JAKMIP3: variants seen among roughly 807,000 people sequenced by gnomAD.
JAKMIP3 encodes the protein janus kinase and microtubule-interacting protein 3.
In JAKMIP3, 58 loss-of-function variants were observed where a neutral mutation model predicts 118.5. The ratio of observed to expected loss-of-function variants is 0.49; its 90% CI spans 0.40 to 0.61. The LOEUF is 0.61. Ranked by LOEUF, JAKMIP3 falls within the 20% of genes least tolerant of loss-of-function variation. JAKMIP3 has a pLI of 0.00. For missense variants in JAKMIP3, 950 were observed against 1,109.0 expected (o/e 0.86, Z 2.04); for synonymous variants, 486 against 451.2 (o/e 1.08, Z -0.98).
At chr10:132,180,596 T>A (rs1439006060) in intron 23 of JAKMIP3, among the ~76,000 whole-genome samples, 1 of 24,352 alleles carries the variant, frequency 4.1e-5, no homozygotes, top group African/African-American at 1.7e-4. Flanking sequence ...CGTGTGTGTG[T>A]GCGTGCGCGT....
intron 1 of JAKMIP3, among the ~76,000 whole-genome samples, chr10:132,087,048 T>C (rs746545037): frequency 6.6e-5 from 10 of 152,234 alleles, no homozygotes; most frequent in Non-Finnish European, 1.3e-4. Flanking sequence ...GTTCTTGTAG[T>C]GCTGGCTTGG....
At chr10:132,061,378 A>G (rs544699103), upstream of JAKMIP3, among the ~76,000 whole-genome samples, 8 of 152,256 alleles carry the variant, frequency 5.3e-5, no homozygotes, top group Non-Finnish European at 1.2e-4. Flanking sequence ...AATTTCGTTG[A>G]AGACATAAAA....
chr10:132,161,468 G>A (rs548843160), intron 19 of JAKMIP3, among the ~76,000 whole-genome samples: 2 of 81,202 alleles, frequency 2.5e-5, no homozygotes, highest in Non-Finnish European at 4.8e-5. Context: ...TGATGCAGGC[G>A]GTGGCCTCTT....
chr10:132,078,947 ACAGGCCGTCAGGCGCAGCGCAGGGCTGG>A (rs1316253815), intron 1 of JAKMIP3, among the ~76,000 whole-genome samples: 1 of 152,170 alleles, frequency 6.6e-6, no homozygotes, highest in African/African-American at 2.4e-5. Flanking sequence ...GTCTGACTGC[ACAGGCCGTCAGGCGCAGCGCAGGGCTGG>A]TGGGTGGCCC....
intron 1 of JAKMIP3, among the ~76,000 whole-genome samples, chr10:132,082,845 G>T (rs1301386238): frequency 3.3e-5 from 5 of 152,190 alleles, no homozygotes; most frequent in African/African-American, 1.2e-4. Flanking sequence ...TCTTGACCTC[G>T]TGATCCGCCC....
chr10:132,172,022 C>T (rs1025827323), intron 23 of JAKMIP3, among the ~76,000 whole-genome samples: 3 of 152,308 alleles, frequency 2.0e-5, no homozygotes, highest in Admixed American at 6.5e-5. Context: ...GTTCTGGTTT[C>T]TCCAGGTTTC....
At position 132,175,581 on chromosome 10, in the gene JAKMIP3, C is replaced by CT. The variant is rs547049110; in HGVS notation, c.*1103+6549dup. Among the ~76,000 whole-genome samples, 348 of 152,304 alleles carry CT rather than the reference C, an allele frequency of 2.3e-3. 3 individuals carry two copies. Among genetic ancestry groups the CT allele is most frequent in the African/African-American group, 7.5e-3 (310 of 41,558 alleles). On this transcript the variant is annotated intron_variant, in intron 23 of 23. Coordinates refer to ENST00000684848, the MANE Select transcript of JAKMIP3 (RefSeq NM_001323087.2). ...GCCTGGGCCTGTGGCCACTCAGGGTCTGGAAGCTCGAGGTGTGTTGATTAA... is the reference window on the plus strand; with the variant it reads ...GCCTGGGCCTGTGGCCACTCAGGGTCTTGGAAGCTCGAGGTGTGTTGATTAA...
chr10:132,103,150 A>C (rs1257407855), intron 1 of JAKMIP3, among the ~76,000 whole-genome samples: 1 of 152,008 alleles, frequency 6.6e-6, no homozygotes, highest in Non-Finnish European at 1.5e-5. Flanking sequence ...ACAGGAGCAG[A>C]AGGTAAACAA....
At chr10:132,054,695 T>C (rs574086605) in intron 1 of JAKMIP3, among the ~76,000 whole-genome samples, 1 of 152,162 alleles carries the variant, frequency 6.6e-6, no homozygotes, top group Non-Finnish European at 1.5e-5. Flanking sequence ...GGCTAACAGA[T>C]AAGACTAAGG....
At chr10:132,054,307 T>C (rs528814705) in intron 1 of JAKMIP3, among the ~76,000 whole-genome samples, 3 of 152,118 alleles carry the variant, frequency 2.0e-5, no homozygotes, top group Admixed American at 1.3e-4. Flanking sequence ...GTACCCTCTT[T>C]TTTTCCCCAA....
At chr10:132,173,671 T>C (rs2059845506) in intron 23 of JAKMIP3, among the ~76,000 whole-genome samples, 1 of 152,046 alleles carries the variant, frequency 6.6e-6, no homozygotes, top group African/African-American at 2.4e-5. Context: ...CAATTGACTA[T>C]GGTATGCTTG....
chr10:132,148,762 G>A (rs376218067), intron 14 of JAKMIP3, among the ~76,000 whole-genome samples: 2 of 152,328 alleles, frequency 1.3e-5, no homozygotes, highest in Middle Eastern at 3.4e-3. Flanking sequence ...CAGCCACGTC[G>A]CTGTGATTGT....
At chr10:132,130,645 A>G (rs981584018) in intron 3 of JAKMIP3, among the ~76,000 whole-genome samples, 6 of 152,164 alleles carry the variant, frequency 3.9e-5, no homozygotes, top group Non-Finnish European at 7.4e-5. Context: ...TTAGGCAGTC[A>G]CCTGTCTGTG....
intron 23 of JAKMIP3, among the ~76,000 whole-genome samples, chr10:132,178,650 A>G (rs2060410681): frequency 1.3e-5 from 2 of 152,126 alleles, no homozygotes; most frequent in Admixed American, 6.5e-5. Context: ...CCCCCTCCCA[A>G]GCGGCTCACC....
chr10:132,038,547 A>G (rs1340191144), intron 1 of JAKMIP3, among the ~76,000 whole-genome samples: 1 of 152,228 alleles, frequency 6.6e-6, no homozygotes, highest in African/African-American at 2.4e-5. Flanking sequence ...CTGGAATCCC[A>G]GCACTTTGGG....
chr10:132,081,196 G>GA (rs60930034), intron 1 of JAKMIP3, among the ~76,000 whole-genome samples: 53,881 of 151,928 alleles, frequency 0.35, 9,983 homozygotes, highest in African/African-American at 0.47. Context: ...ATCATTTATT[G>GA]AAAGACTATC....
At chr10:132,098,216 G>T (rs533647972) in intron 1 of JAKMIP3, among the ~76,000 whole-genome samples, 1 of 151,666 alleles carries the variant, frequency 6.6e-6, no homozygotes, top group East Asian at 2.0e-4. Context: ...CAGAGATGGG[G>T]TCTCCCTCTG....
chr10:132,043,378 TTG>T (rs552418772), intron 1 of JAKMIP3, among the ~76,000 whole-genome samples: 1 of 151,122 alleles, frequency 6.6e-6, no homozygotes. Context: ...CCCTTTCCGT[TTG>T]TGTGTGTGTG....
rs1245786104 is a variant in JAKMIP3, at chr10:132,180,736, TGCGTGCGTGCGCGCGC to T, written c.*1104-1619_*1104-1604del. 2.6e-4 allele frequency among the ~76,000 whole-genome samples: 3 copies of T among 11,326 alleles called. 1 individual carries two copies. Among genetic ancestry groups the T allele is most frequent in the East Asian group, 1.9e-3 (1 of 514 alleles). The allele number at this position is 11,326 out of a possible 152,430, so 7.4% of individuals were successfully genotyped here. Reference sequence around the variant, plus strand: ...GTGTGTGTGCGTGTGTGTGCGTGTGTGCGTGCGTGCGCGCGCGTGTGTGCGTGTGTGTGCGTGTGTG... The same window carrying T: ...GTGTGTGTGCGTGTGTGTGCGTGTGTGTGTGTGCGTGTGTGTGCGTGTGTG... On this transcript the variant is annotated intron_variant, in intron 23 of 23. Transcript: ENST00000684848.
Sources: gnomAD v4.1 joint callset for allele counts (sites outside exome capture counted in the v4.1 genomes callset) on GRCh38, gnomAD v4.1.1 for gene constraint, MANE v1.5 for transcripts, NCBI Gene and HGNC (gene_info 2026-07-23, HGNC 2026-07-21) for gene names.